Variants in CELF4 observed in about 807,000 individuals in gnomAD.
CELF4 encodes the protein CUGBP Elav-like family member 4, also known as CUG-BP- and ETR-3-like factor 4.
Under a neutral mutation model 59.9 loss-of-function variants are expected in CELF4, and 18 were observed. The ratio of observed to expected loss-of-function variants is 0.30; its 90% CI spans 0.21 to 0.45. CELF4 has a LOEUF of 0.45. CELF4 is among the 20% of genes least tolerant of loss of function. The pLI is 1.00. For synonymous variants in CELF4, 261 were observed against 267.1 expected, an observed-to-expected ratio of 0.98 and a Z score of 0.22; for missense variants, 456 against 689.0, an observed-to-expected ratio of 0.66 and a Z score of 3.79.
Position 37,390,777 on chromosome 18 carries a change from G to A in CELF4, c.370-68896C>T, listed in dbSNP as rs565519680. On this transcript the variant is annotated intron_variant, in intron 2 of 12. Coordinates refer to ENST00000420428, the MANE Select transcript of CELF4 (RefSeq NM_020180.4). ...CTACCTGCTGAAGAGCTGGGTGGAC[G>A]GGAAGGCTGGTGGTGGTGATGGGGC... Among the ~76,000 whole-genome samples the A allele has an allele frequency of 1.3e-3, 157 of 123,768 alleles. 1 individual carries two copies. The highest frequency in any genetic ancestry group is 4.4e-3 in the African/African-American group (148 of 33,556). 81.2% of individuals were successfully genotyped at this position (123,768 alleles called of 152,430 possible).
intron 1 of CELF4, among the ~76,000 whole-genome samples, chr18:37,554,210 C>T (rs1253604977): frequency 1.3e-5 from 2 of 152,122 alleles, no homozygotes; most frequent in Non-Finnish European, 2.9e-5. Context: ...GGGGCAGCCT[C>T]GGGGGCTGGG....
At chr18:37,454,202 C>G (rs2099771765) in intron 2 of CELF4, among the ~76,000 whole-genome samples, 1 of 152,192 alleles carries the variant, frequency 6.6e-6, no homozygotes, top group African/African-American at 2.4e-5. Flanking sequence ...CAAATCATAT[C>G]CCTTTGCATC....
intron 3 of CELF4, among the ~76,000 whole-genome samples, chr18:37,306,887 C>T (rs16968718): frequency 0.037 from 5,652 of 152,274 alleles, 263 homozygotes; most frequent in African/African-American, 0.099. Context: ...TCCGTCAGGG[C>T]GAGATTGCCG....
intron 2 of CELF4, among the ~76,000 whole-genome samples, chr18:37,449,756 G>A (rs2099757949): frequency 1.3e-5 from 2 of 152,230 alleles, no homozygotes; most frequent in South Asian, 2.1e-4. Context: ...TGAGCCAAGT[G>A]AGCATCTGAG....
chr18:37,483,531 A>G (rs143578161), intron 2 of CELF4, among the ~76,000 whole-genome samples: 1 of 151,744 alleles, frequency 6.6e-6, no homozygotes, highest in Non-Finnish European at 1.5e-5. Context: ...CCCAACATAC[A>G]CTCACGTTTC....
intron 2 of CELF4, among the ~76,000 whole-genome samples, chr18:37,327,077 G>A (rs905422616): frequency 1.3e-5 from 2 of 152,174 alleles, no homozygotes; most frequent in East Asian, 3.9e-4. Context: ...CCTGTCCAGT[G>A]TGGCTCCCTC....
chr18:37,336,255 A>G (rs1162851744), intron 2 of CELF4, among the ~76,000 whole-genome samples: 1 of 151,780 alleles, frequency 6.6e-6, no homozygotes, highest in Non-Finnish European at 1.5e-5. Context: ...GTAGGGCCTC[A>G]CTCTGTCACG....
At chr18:37,287,570 C>T (rs540093429) in intron 3 of CELF4, among the ~76,000 whole-genome samples, 1 of 152,370 alleles carries the variant, frequency 6.6e-6, no homozygotes, top group South Asian at 2.1e-4. Context: ...CCTTCCCCCT[C>T]CATCCACCAG....
rs1047966216 is a variant in CELF4, at chr18:37,434,058, C to T, written c.369+51467G>A. Among the ~76,000 whole-genome samples the T allele has an allele frequency of 7.9e-5, 12 of 152,210 alleles. No homozygotes were observed. In the East Asian group the frequency reaches 1.7e-3, roughly 22 times the overall value. ...CTACAGGCATCTGGGTGCCAAGGGC[C>T]GGACTAACAGGGCTTGGTATCTGAC... is the stretch of plus-strand genomic sequence containing the variant. On this transcript the variant is annotated intron_variant, in intron 2 of 12. Transcript: ENST00000420428.
intron 11 of CELF4, among the ~76,000 whole-genome samples, chr18:37,255,032 GC>G (rs1196132421): frequency 1.3e-5 from 2 of 152,158 alleles, no homozygotes; most frequent in Non-Finnish European, 2.9e-5. Flanking sequence ...AACCTTTATA[GC>G]TTTGTTTAAT....
At position 37,524,903 on chromosome 18, in the gene CELF4, T is replaced by A. The variant is rs1305337944; in HGVS notation, c.287-39296A>T. 2.0e-5 allele frequency among the ~76,000 whole-genome samples: 3 copies of A among 152,222 alleles called. No individual in the cohort carries two copies. The East Asian group carries it at 5.8e-4, about 30-fold the overall frequency. ...GCTGGGGCGCGGGGGTCGCGGCGGC[T>A]GCGCCCCAGTCCCGAGCTCGGTTTC... On this transcript the variant is annotated intron_variant, in intron 1 of 12. Transcript: ENST00000420428.
chr18:37,359,470 T>C (rs757601954), intron 2 of CELF4, among the ~76,000 whole-genome samples: 6 of 152,128 alleles, frequency 3.9e-5, no homozygotes, highest in Non-Finnish European at 8.8e-5. Flanking sequence ...GCCTCCCAAA[T>C]AGCTGGGCTG....
At chr18:37,481,490 C>T (rs1048393838) in intron 2 of CELF4, among the ~76,000 whole-genome samples, 6 of 152,182 alleles carry the variant, frequency 3.9e-5, no homozygotes, top group Non-Finnish European at 8.8e-5. Flanking sequence ...TCCTGGAAGA[C>T]GATTCCCCAC....
chr18:37,447,098 G>GA (rs1039081372), intron 2 of CELF4, among the ~76,000 whole-genome samples: 117 of 149,198 alleles, frequency 7.8e-4, no homozygotes, highest in South Asian at 5.1e-3. Flanking sequence ...AATAAGAAAA[G>GA]AAAAAAAAAA....
At chr18:37,309,638 G>A (rs1211123020) in intron 3 of CELF4, among the ~76,000 whole-genome samples, 1 of 152,092 alleles carries the variant, frequency 6.6e-6, no homozygotes. Flanking sequence ...GCTTGGGCTA[G>A]AGGATGAGAA....
At chr18:37,472,874 G>T (rs1396918151) in intron 2 of CELF4, among the ~76,000 whole-genome samples, 1 of 152,162 alleles carries the variant, frequency 6.6e-6, no homozygotes, top group African/African-American at 2.4e-5. Flanking sequence ...GACTGGGACT[G>T]GTTCTATGCG....
chr18:37,280,369 G>C (rs1354251769), intron 3 of CELF4, among the ~76,000 whole-genome samples: 2 of 152,208 alleles, frequency 1.3e-5, no homozygotes, highest in African/African-American at 4.8e-5. Flanking sequence ...TCTGAGATGA[G>C]TTTTGGGAGC....
chr18:37,347,388 A>T (rs561754311), intron 2 of CELF4, among the ~76,000 whole-genome samples: 1 of 152,040 alleles, frequency 6.6e-6, no homozygotes, highest in African/African-American at 2.4e-5. Context: ...ACCCTGGGCC[A>T]ATTATTCATT....
intron 1 of CELF4, 87 bp downstream of exon 1, chr18:37,565,269 C>A (rs1480230669): frequency 2.8e-6 from 4 of 1,432,036 alleles, no homozygotes; most frequent in South Asian, 1.4e-5. Flanking sequence ...CTCGCTTAGT[C>A]CGCCGCTCGT....
Sources: allele counts gnomAD v4.1 joint callset (sites outside exome capture counted in the v4.1 genomes callset), GRCh38; gene constraint gnomAD v4.1.1; transcripts MANE v1.5; gene names NCBI Gene and HGNC (gene_info 2026-07-23, HGNC 2026-07-21).